Variants in C8orf76 observed in about 807,000 individuals in gnomAD.
The protein encoded by C8orf76 is chromosome 8 open reading frame 76.
A neutral mutation model predicts 38.1 loss-of-function variants in C8orf76; 46 were observed. The observed-to-expected ratio is 1.21, with a 90% CI of 0.95 to 1.54. C8orf76 has a LOEUF of 1.54. C8orf76 is among the 40% of genes most tolerant of loss of function. The pLI, the probability that C8orf76 is intolerant of heterozygous loss-of-function variation, is 0.00. For synonymous variants in C8orf76, 166 were observed against 167.5 expected (o/e 0.99, Z 0.07); for missense variants, 461 against 441.6 (o/e 1.04, Z -0.39).
intron 3 of C8orf76, chr8:123,237,120 G>A: frequency 3.2e-6 from 3 of 938,780 alleles, no homozygotes; most frequent in Non-Finnish European, 5.2e-6. Flanking sequence ...AAGATGATCT[G>A]CCGCAAGTGC....
At chr8:123,236,485 A>AT (rs746333539) in intron 3 of C8orf76, among the ~76,000 whole-genome samples, 5 of 151,924 alleles carry the variant, frequency 3.3e-5, no homozygotes, top group Admixed American at 6.6e-5. Flanking sequence ...AGGCAATAAA[A>AT]TTTTTTTTTA....
At chr8:123,224,153 G>A (rs758723452) in intron 5 of C8orf76, among the ~76,000 whole-genome samples, 2 of 151,360 alleles carry the variant, frequency 1.3e-5, no homozygotes, top group African/African-American at 2.5e-5. Flanking sequence ...AAGAGCAGTT[G>A]TTATAGAATA....
At position 123,237,885 on chromosome 8, in the gene C8orf76, G is replaced by C; in HGVS notation, c.270C>G (p.Ala90=). ...ISEKLSSTNF[A]MKRDVQEGQA... Reference sequence around the variant, plus strand: ...GACCTTCCTGGACATCCCTTTTCATGGCAAAATTGGTTGATGACAATTTTT... The same window carrying C: ...GACCTTCCTGGACATCCCTTTTCATCGCAAAATTGGTTGATGACAATTTTT... The change falls in exon 3 of 6, where the codon GCC becomes GCG. Residue 90 remains alanine, a synonymous_variant. Coordinates refer to ENST00000276704, the MANE Select transcript of C8orf76 (RefSeq NM_032847.3). 6.2e-7 allele frequency: 1 copy of C among 1,613,950 alleles called. No homozygotes were observed. Among genetic ancestry groups the C allele is most frequent in the Non-Finnish European group, 8.5e-7 (1 of 1,179,964 alleles).
intron 4 of C8orf76, among the ~76,000 whole-genome samples, chr8:123,227,697 AAC>A (rs982467374): frequency 2.0e-4 from 30 of 152,214 alleles, no homozygotes; most frequent in African/African-American, 6.7e-4. Flanking sequence ...CTGTGGCTGG[AAC>A]ACAGTCAGAG....
At chr8:123,233,803 C>G (rs868794080) in intron 3 of C8orf76, among the ~76,000 whole-genome samples, 13 of 151,804 alleles carry the variant, frequency 8.6e-5, no homozygotes, top group Non-Finnish European at 1.9e-4. Context: ...CCAAGGCGGG[C>G]GGATCATGAG....
intron 5 of C8orf76, among the ~76,000 whole-genome samples, chr8:123,222,911 A>T (rs1824928013): frequency 6.6e-6 from 1 of 152,228 alleles, no homozygotes; most frequent in Non-Finnish European, 1.5e-5. Flanking sequence ...TATAAATTGA[A>T]CTAACCTTTC....
intron 4 of C8orf76, among the ~76,000 whole-genome samples, chr8:123,228,632 A>G (rs1019470021): frequency 5.9e-5 from 9 of 151,768 alleles, no homozygotes; most frequent in Admixed American, 1.3e-4. Context: ...AAAAAAAAAC[A>G]CCAAAACCCA....
At chr8:123,233,594 C>A (rs1825353851) in intron 3 of C8orf76, among the ~76,000 whole-genome samples, 1 of 151,870 alleles carries the variant, frequency 6.6e-6, no homozygotes, top group Non-Finnish European at 1.5e-5. Flanking sequence ...TGCGGTTTCA[C>A]CATGTTGGCC....
intron 3 of C8orf76, among the ~76,000 whole-genome samples, chr8:123,232,796 G>C (rs1170206198): frequency 6.6e-6 from 1 of 152,144 alleles, no homozygotes; most frequent in East Asian, 1.9e-4. Flanking sequence ...TTCAGCATCT[G>C]TCCTTCCCAA....
At chr8:123,232,732 C>G (rs7000925) in intron 3 of C8orf76, among the ~76,000 whole-genome samples, 20,077 of 152,180 alleles carry the variant, frequency 0.13, 4,080 homozygotes, top group African/African-American at 0.44. Context: ...GACTGATTTG[C>G]TGACACTGTA....
At chr8:123,234,529 G>A (rs1228464780) in intron 3 of C8orf76, among the ~76,000 whole-genome samples, 1 of 152,128 alleles carries the variant, frequency 6.6e-6, no homozygotes, top group African/African-American at 2.4e-5. Flanking sequence ...AGTACTTCGG[G>A]AGGCTGAGGC....
At chr8:123,235,370 C>A (rs1825427209) in intron 3 of C8orf76, among the ~76,000 whole-genome samples, 1 of 152,066 alleles carries the variant, frequency 6.6e-6, no homozygotes, top group African/African-American at 2.4e-5. Context: ...ACAGGTCCCC[C>A]TACAGAATGT....
intron 1 of C8orf76, among the ~76,000 whole-genome samples, chr8:123,240,947 T>C (rs1825662481): frequency 6.6e-6 from 1 of 152,116 alleles, no homozygotes; most frequent in Non-Finnish European, 1.5e-5. Flanking sequence ...TACCGGAGAT[T>C]GCAGGGCAGG....
chr8:123,220,417 T>A (rs1349829642), intron 5 of C8orf76, 120 bp from the exon 6 acceptor site: 1 of 682,268 alleles, frequency 1.5e-6, no homozygotes, highest in East Asian at 2.8e-5. Flanking sequence ...CCAGGGGACA[T>A]TCCCAACACA....
rs1825054947 is a variant in C8orf76 at position 123,226,650 on chromosome 8, C to T, written c.816-18G>A. On this transcript the variant is annotated intron_variant, in intron 4 of 5. Transcript: ENST00000276704. The stretch of plus-strand genomic sequence containing the variant: ...GCAGAAGCCTGAAAAACCGAAAAGT[C>T]TCAATGCGTGGCGAAAAGTCCCAAC... The T allele has an allele frequency of 6.3e-7, 1 of 1,579,672 alleles. No individual in the cohort carries two copies. Among genetic ancestry groups the T allele is most frequent in the Admixed American group, 2.0e-5 (1 of 48,828 alleles).
rs78439472 is a variant in C8orf76 at position 123,228,282 on chromosome 8, A to G, written c.816-1650T>C. 1.2e-3 allele frequency among the ~76,000 whole-genome samples: 185 copies of G among 152,144 alleles called. 1 individual carries two copies. The highest frequency in any genetic ancestry group is 4.3e-3 in the African/African-American group (178 of 41,490). On this transcript the variant is annotated intron_variant, in intron 4 of 5. Coordinates refer to ENST00000276704, the MANE Select transcript of C8orf76 (RefSeq NM_032847.3). ...AATTACTCTACAACCTCTAGTCCTT[A>G]GCTCCTCCTTCTAATCCAGCATCGC... is the stretch of plus-strand genomic sequence containing the variant.
At chr8:123,236,881 C>A in intron 3 of C8orf76, 1 of 911,932 alleles carries the variant, frequency 1.1e-6, no homozygotes, top group Non-Finnish European at 1.8e-6. Context: ...CCCTCACAGG[C>A]AAGACCATCA....
intron 5 of C8orf76, among the ~76,000 whole-genome samples, chr8:123,225,542 C>T (rs1825015333): frequency 6.6e-6 from 1 of 152,166 alleles, no homozygotes; most frequent in South Asian, 2.1e-4. Flanking sequence ...CATGCCATTA[C>T]TTACGCTACA....
chr8:123,232,208 C>T (rs1825297425), intron 3 of C8orf76, among the ~76,000 whole-genome samples: 1 of 152,168 alleles, frequency 6.6e-6, no homozygotes. Context: ...TTTGAACAAA[C>T]TCCACTTCCA....
Sources: gnomAD v4.1 joint callset for allele counts (sites outside exome capture counted in the v4.1 genomes callset) on GRCh38, gnomAD v4.1.1 for gene constraint, MANE v1.5 for transcripts, NCBI Gene and HGNC (gene_info 2026-07-23, HGNC 2026-07-21) for gene names.